SGSM1: variants seen among roughly 807,000 people sequenced by gnomAD.
SGSM1 encodes the protein small G protein signaling modulator 1, also known as RUN and TBC1 domain containing 2.
Under a neutral mutation model 133.8 loss-of-function variants are expected in SGSM1, and 73 were observed. The ratio of observed to expected loss-of-function variants is 0.55; its 90% CI spans 0.45 to 0.66. The LOEUF (loss-of-function observed/expected upper bound fraction) is 0.66, where lower values mean the gene tolerates loss of function less well. Ranked by LOEUF, SGSM1 falls within the 30% of genes least tolerant of loss-of-function variation. The pLI is 0.00. For synonymous variants in SGSM1, 563 were observed against 573.0 expected, an observed-to-expected ratio of 0.98 and a Z score of 0.25; for missense variants, 1,213 against 1,448.1, an observed-to-expected ratio of 0.84 and a Z score of 2.64.
At chr22:24,874,421 C>G (rs1252060841) in intron 12 of SGSM1, 22 of 1,609,538 alleles carry the variant, frequency 1.4e-5, no homozygotes, top group Non-Finnish European at 1.9e-5. Context: ...CAAGTTGCCC[C>G]CGACTTCTTG....
At chr22:24,896,821 A>G (rs991846078) in intron 18 of SGSM1, among the ~76,000 whole-genome samples, 1 of 150,558 alleles carries the variant, frequency 6.6e-6, no homozygotes, top group Non-Finnish European at 1.5e-5. Flanking sequence ...TACTAAAAAT[A>G]CAAAAACTAG....
At position 24,854,926 on chromosome 22, in the gene SGSM1, A is replaced by G. The variant is rs187757409; in HGVS notation, c.456-70A>G. 37 of 1,277,266 alleles carry G rather than the reference A, an allele frequency of 2.9e-5. No homozygotes were observed. In the East Asian group the frequency reaches 8.6e-4, roughly 30 times the overall value. 79.1% of individuals were successfully genotyped at this position (1,277,266 alleles called of 1,614,324 possible). A position where few individuals can be genotyped will look rare whatever the true frequency, so the allele number is the denominator to read the frequency against. On this transcript the variant is annotated intron_variant, in intron 5 of 24. Coordinates refer to ENST00000400358, the MANE Select transcript of SGSM1 (RefSeq NM_001098497.3). ...GTAACCGAGTGACACTGGGGATTGA[A>G]CTCTCATCTGTGGATTGTGCGTCCT...
At chr22:24,898,807 C>T (rs1385755690) in intron 19 of SGSM1, among the ~76,000 whole-genome samples, 1 of 151,988 alleles carries the variant, frequency 6.6e-6, no homozygotes, top group Non-Finnish European at 1.5e-5. Flanking sequence ...GGGGGTGGAT[C>T]ACGAAGTCAG....
In SGSM1 at chr22:24,847,635, G is replaced by A. The variant is rs370310574; in HGVS notation, c.141G>A (p.Ala47=). 2.5e-6 allele frequency: 4 copies of A among 1,612,926 alleles called. No homozygotes were observed. Among genetic ancestry groups the A allele is most frequent in the Admixed American group, 3.3e-5 (2 of 59,954 alleles). ...EDSSHIISFC[A]AVEACVLHGL... ...CTGCTGACTGCCATGTCCCTGCAGC[G>A]GCTGTGGAGGCCTGCGTTCTGCACG... Residue 47 remains alanine, a splice_region_variant and synonymous_variant, in exon 4 of 25, where the codon GCG becomes GCA. Coordinates refer to ENST00000400358, the MANE Select transcript of SGSM1 (RefSeq NM_001098497.3).
intron 8 of SGSM1, 128 bp from the exon 9 acceptor site, chr22:24,859,588 C>A: frequency 7.6e-7 from 1 of 1,316,718 alleles, no homozygotes; most frequent in Non-Finnish European, 1.1e-6. Context: ...TTCCACATGG[C>A]CAGGGCCTTG....
chr22:24,914,172 A>G (rs529350635), intron 22 of SGSM1, among the ~76,000 whole-genome samples: 6 of 151,854 alleles, frequency 4.0e-5, no homozygotes, highest in Non-Finnish European at 7.4e-5. Flanking sequence ...GGGTGCCTAA[A>G]GTCCCAGCTA....
chr22:24,816,856 A>C (rs1300721020), intron 2 of SGSM1, among the ~76,000 whole-genome samples: 1 of 152,196 alleles, frequency 6.6e-6, no homozygotes, highest in East Asian at 1.9e-4. Context: ...CTAGGGGCAC[A>C]TTCTGCCAGC....
At position 24,874,562 on chromosome 22, in the gene SGSM1, C is replaced by T. The variant is rs116556115; in HGVS notation, c.1292-2015C>T. The T allele has an allele frequency of 6.4e-4, 1,026 of 1,603,978 alleles. 6 individuals carry two copies. In the African/African-American group the frequency reaches 0.012, roughly 19 times the overall value. ...GACACTACTCTCCCCACGCCAAGCC[C>T]GAAGGAGCAGCCCCCCAGTAATGTC... is the stretch of plus-strand genomic sequence containing the variant. On this transcript the variant is annotated intron_variant, in intron 12 of 24. Coordinates refer to ENST00000400358, the MANE Select transcript of SGSM1 (RefSeq NM_001098497.3).
intron 22 of SGSM1, among the ~76,000 whole-genome samples, chr22:24,916,865 G>A (rs189299909): frequency 2.2e-4 from 34 of 152,034 alleles, no homozygotes; most frequent in Admixed American, 1.4e-3. Context: ...AGATTTTTAT[G>A]TGGATATGTT....
At chr22:24,893,355 C>G in intron 16 of SGSM1, 76 bp from the exon 17 acceptor site, 1 of 1,497,264 alleles carries the variant, frequency 6.7e-7, no homozygotes, top group Non-Finnish European at 9.1e-7. Flanking sequence ...CAGAGCCACT[C>G]TCTTCCACGT....
intron 21 of SGSM1, among the ~76,000 whole-genome samples, chr22:24,906,446 T>C (rs555767768): frequency 3.3e-4 from 51 of 152,320 alleles, no homozygotes; most frequent in African/African-American, 1.2e-3. Flanking sequence ...AAAGTAAAAC[T>C]ATCTTTGTTC....
At chr22:24,857,654 C>T (rs1015779779) in intron 8 of SGSM1, among the ~76,000 whole-genome samples, 1 of 152,152 alleles carries the variant, frequency 6.6e-6, no homozygotes, top group African/African-American at 2.4e-5. Context: ...TTCCATCTTC[C>T]GTATCACTTT....
At chr22:24,813,123 G>T (rs1041768364) in intron 2 of SGSM1, among the ~76,000 whole-genome samples, 2 of 152,220 alleles carry the variant, frequency 1.3e-5, no homozygotes, top group African/African-American at 4.8e-5. Flanking sequence ...TCTACAGGAA[G>T]TGTGTGCCTG....
intron 22 of SGSM1, 35 bp downstream of exon 22, chr22:24,912,787 T>G: frequency 6.6e-7 from 1 of 1,510,766 alleles, no homozygotes; most frequent in Non-Finnish European, 9.1e-7. Context: ...TTTGGACTTT[T>G]TTGGGAAACA....
chr22:24,924,150 A>T, intron 24 of SGSM1, 36 bp from the exon 25 acceptor site: 3 of 1,597,602 alleles, frequency 1.9e-6, no homozygotes, highest in Non-Finnish European at 1.7e-6. Flanking sequence ...TGGACACAGA[A>T]GGAGGCTCAT....
At chr22:24,825,682 A>G (rs998147562) in intron 2 of SGSM1, among the ~76,000 whole-genome samples, 1 of 152,150 alleles carries the variant, frequency 6.6e-6, no homozygotes. Flanking sequence ...CACCCGCCTC[A>G]GCCTCCCAAA....
chr22:24,849,212 C>T (rs1930314713), intron 4 of SGSM1, among the ~76,000 whole-genome samples: 1 of 151,304 alleles, frequency 6.6e-6, no homozygotes, highest in South Asian at 2.1e-4. Context: ...AGGGCCAATG[C>T]TTGCCACATG....
rs370224611 is a variant in SGSM1 at position 24,872,904 on chromosome 22, G to A, written c.1292-3673G>A. On this transcript the variant is annotated intron_variant, in intron 12 of 24. Coordinates refer to ENST00000400358, the MANE Select transcript of SGSM1 (RefSeq NM_001098497.3). ...ATTGCGCTCCAGCCTGGGCAACAGAGCGAGACTCCATCTCAAAAAAAAAAA... is the reference window on the plus strand; with the variant it reads ...ATTGCGCTCCAGCCTGGGCAACAGAACGAGACTCCATCTCAAAAAAAAAAA... 2.3e-4 allele frequency among the ~76,000 whole-genome samples: 35 copies of A among 151,440 alleles called. No homozygotes were observed. The East Asian group carries it at 6.4e-3, about 28-fold the overall frequency.
At chr22:24,818,716 T>G (rs1928274388) in intron 2 of SGSM1, among the ~76,000 whole-genome samples, 1 of 152,056 alleles carries the variant, frequency 6.6e-6, no homozygotes, top group African/African-American at 2.4e-5. Flanking sequence ...GCCAAAACAC[T>G]GGGTCTGTAA....
Sources: gnomAD v4.1 joint callset for allele counts (sites outside exome capture counted in the v4.1 genomes callset) on GRCh38, gnomAD v4.1.1 for gene constraint, MANE v1.5 for transcripts, NCBI Gene and HGNC (gene_info 2026-07-23, HGNC 2026-07-21) for gene names.